The following REPS1 variants were observed in gnomAD, a reference collection of about 807,000 sequenced individuals.
The protein encoded by REPS1 is ralBP1-associated Eps domain-containing protein 1.
Under a neutral mutation model 100.9 loss-of-function variants are expected in REPS1, and 39 were observed. That is an observed-to-expected ratio of 0.39 (90% CI 0.30 to 0.50). The LOEUF (loss-of-function observed/expected upper bound fraction) is 0.50. REPS1 is among the 20% of genes least tolerant of loss of function. The pLI is 0.86. For synonymous variants in REPS1, 324 were observed against 340.3 expected (o/e 0.95, Z 0.53); for missense variants, 821 against 968.5 (o/e 0.85, Z 2.02).
intron 1 of REPS1, among the ~76,000 whole-genome samples, chr6:138,966,609 C>T (rs1313108729): frequency 1.3e-5 from 2 of 152,156 alleles, no homozygotes; most frequent in Admixed American, 1.3e-4. Flanking sequence ...AACCCATGCT[C>T]TTTGTCACTT....
At chr6:138,912,343 A>G (rs998391494) in intron 16 of REPS1, among the ~76,000 whole-genome samples, 3 of 152,190 alleles carry the variant, frequency 2.0e-5, no homozygotes, top group Non-Finnish European at 2.9e-5. Flanking sequence ...TTTGGCTGAA[A>G]TTTGTTTTTA....
At chr6:138,982,854 T>C (rs1393028366) in intron 1 of REPS1, among the ~76,000 whole-genome samples, 2 of 152,172 alleles carry the variant, frequency 1.3e-5, no homozygotes, top group African/African-American at 2.4e-5. Context: ...TAAAGAAAAA[T>C]TGTATTTGTG....
chr6:138,930,722 C>T (rs1781435341), intron 8 of REPS1, among the ~76,000 whole-genome samples: 1 of 151,600 alleles, frequency 6.6e-6, no homozygotes, highest in Non-Finnish European at 1.5e-5. Context: ...CCCTTGTTAA[C>T]AAAAAAACAG....
Position 138,928,219 on chromosome 6 carries a change from G to A in REPS1, c.1258-1738C>T, listed in dbSNP as rs76426703. ...TAAGATTGTTCAGAGGACTAAAGGA[G>A]TTAATATATATAAAGAGTTTGTTTT... On this transcript the variant is annotated intron_variant, in intron 9 of 19. Coordinates refer to ENST00000450536, the MANE Select transcript of REPS1 (RefSeq NM_001286611.2). The A allele has an allele frequency of 2.0e-5, 3 of 152,092 alleles. No individual in the cohort carries two copies. In the East Asian group the frequency reaches 5.8e-4, roughly 29 times the overall value. The allele number at this position is 152,092 out of a possible 1,614,324, so 9.4% of individuals were successfully genotyped here. A position where few individuals can be genotyped will look rare whatever the true frequency, so the allele number is the denominator to read the frequency against.
intron 8 of REPS1, among the ~76,000 whole-genome samples, chr6:138,934,807 G>C (rs1781699829): frequency 7.7e-6 from 1 of 129,724 alleles, no homozygotes; most frequent in Non-Finnish European, 1.8e-5. Context: ...ATGGTTCAAT[G>C]TTCCAATCTC....
rs139917117 is a variant in REPS1, at chr6:138,942,135, G to A, written c.981-646C>T. On this transcript the variant is annotated intron_variant, in intron 7 of 19. Coordinates refer to ENST00000450536, the MANE Select transcript of REPS1 (RefSeq NM_001286611.2). ...GCTGGGATTACAAGCGTGAGCCACCGCACCCGGCTGACATGTACGTACTTT... is the reference window on the plus strand; with the variant it reads ...GCTGGGATTACAAGCGTGAGCCACCACACCCGGCTGACATGTACGTACTTT... Among the ~76,000 whole-genome samples the A allele has an allele frequency of 2.5e-3, 382 of 152,006 alleles. 1 individual carries two copies. Among genetic ancestry groups the A allele is most frequent in the African/African-American group, 8.5e-3 (353 of 41,460 alleles).
chr6:138,920,272 G>T lies in REPS1; in HGVS notation c.1471C>A (p.Leu491Ile). 6.2e-7 allele frequency: 1 copy of T among 1,604,426 alleles called. No individual in the cohort carries two copies. Among genetic ancestry groups the T allele is most frequent in the Non-Finnish European group, 8.5e-7 (1 of 1,171,424 alleles). Reference sequence around the variant, plus strand: ...GAATTTATCTTATTTTCTTCTAAAAGGTCAGATGGTTTCACAAGTAATGGG... The same window carrying T: ...GAATTTATCTTATTTTCTTCTAAAATGTCAGATGGTTTCACAAGTAATGGG... ...TSPLLVKPSD[L>I]LEENKINSSV... is the part of the protein sequence containing the mutation. The change falls in exon 12 of 20, where the codon CTT becomes ATT. Residue 491 changes from leucine to isoleucine, a missense_variant. Coordinates refer to ENST00000450536, the MANE Select transcript of REPS1 (RefSeq NM_001286611.2).
intron 1 of REPS1, among the ~76,000 whole-genome samples, chr6:138,982,147 CTTATTAAGT>C (rs1220649233): frequency 6.6e-6 from 1 of 152,160 alleles, no homozygotes; most frequent in Admixed American, 6.5e-5. Context: ...AAACCTGAGA[CTTATTAAGT>C]TTATAACTTT....
rs1051052993 is a variant in REPS1 at position 138,903,733 on chromosome 6, A to C, written c.*1331T>G. On this transcript the variant is annotated 3_prime_UTR_variant, in exon 20 of 20. Transcript: ENST00000450536. ...AGTTTCCTGGGCCTTTAATGCTTTA[A>C]ATTTATTATTTAACAACTAAAGCCA... The C allele has an allele frequency of 6.6e-6, 1 of 152,182 alleles. No individual in the cohort carries two copies. The highest frequency in any genetic ancestry group is 2.4e-5 in the African/African-American group (1 of 41,444). 9.4% of individuals were successfully genotyped at this position (152,182 alleles called of 1,614,324 possible).
At chr6:138,950,630 G>C (rs1161104925) in intron 1 of REPS1, among the ~76,000 whole-genome samples, 1 of 152,190 alleles carries the variant, frequency 6.6e-6, no homozygotes, top group East Asian at 1.9e-4. Flanking sequence ...CTGTAACCCA[G>C]TGTTTTAATT....
intron 1 of REPS1, among the ~76,000 whole-genome samples, chr6:138,956,620 A>C (rs973785190): frequency 6.6e-6 from 1 of 152,052 alleles, no homozygotes; most frequent in Non-Finnish European, 1.5e-5. Context: ...GACCCACCCC[A>C]CCTAAAAGAA....
intron 1 of REPS1, among the ~76,000 whole-genome samples, chr6:138,986,438 G>T (rs1354398389): frequency 4.6e-5 from 7 of 152,214 alleles, no homozygotes; most frequent in Non-Finnish European, 1.0e-4. Context: ...GAAGAAACTT[G>T]CCTTCATTCT....
intron 12 of REPS1, among the ~76,000 whole-genome samples, chr6:138,919,300 A>C (rs1180691298): frequency 3.3e-5 from 5 of 152,010 alleles, no homozygotes; most frequent in Non-Finnish European, 7.4e-5. Flanking sequence ...CACCCTAGAC[A>C]CCAAGCTGTC....
intron 15 of REPS1, among the ~76,000 whole-genome samples, chr6:138,913,179 G>T (rs1003328353): frequency 3.3e-5 from 5 of 151,988 alleles, no homozygotes; most frequent in South Asian, 2.1e-4. Flanking sequence ...CCAATAAAAA[G>T]ATATTTTTTT....
chr6:138,915,742 C>T (rs1037926139), intron 14 of REPS1, 116 bp downstream of exon 14: 12 of 782,602 alleles, frequency 1.5e-5, no homozygotes, highest in African/African-American at 3.5e-5. Context: ...CAACCACACT[C>T]GACCAGATAA....
At chr6:138,958,190 G>A (rs1783519584) in intron 1 of REPS1, among the ~76,000 whole-genome samples, 2 of 152,170 alleles carry the variant, frequency 1.3e-5, no homozygotes, top group African/African-American at 4.8e-5. Context: ...CCTACATAAA[G>A]TGGAGTTTTA....
At position 138,941,606 on chromosome 6, in the gene REPS1, A is replaced by T. The variant is rs557326350; in HGVS notation, c.981-117T>A. The stretch of plus-strand genomic sequence containing the variant: ...AAGTGCAAGAACTCAGTAATTATAA[A>T]AATCCCATACACAGAAAGATGTGTA... On this transcript the variant is annotated intron_variant, in intron 7 of 19. Coordinates refer to ENST00000450536, the MANE Select transcript of REPS1 (RefSeq NM_001286611.2). The T allele has an allele frequency of 4.4e-4, 418 of 956,526 alleles. 1 individual carries two copies. The highest frequency in any genetic ancestry group is 6.0e-4 in the Non-Finnish European group (381 of 634,088). The allele number at this position is 956,526 out of a possible 1,614,324, so 59.3% of individuals were successfully genotyped here.
intron 1 of REPS1, among the ~76,000 whole-genome samples, chr6:138,957,964 A>G (rs904827608): frequency 1.3e-5 from 2 of 152,232 alleles, no homozygotes; most frequent in Admixed American, 6.5e-5. Context: ...ATGTGAAAGT[A>G]CCACTAAGAA....
intron 10 of REPS1, among the ~76,000 whole-genome samples, chr6:138,922,106 T>C (rs1261382361): frequency 2.6e-5 from 4 of 152,088 alleles, no homozygotes; most frequent in African/African-American, 9.7e-5. Flanking sequence ...AGCCTTGAAG[T>C]TAAAATAAAC....
Sources: gnomAD v4.1 joint callset for allele counts (sites outside exome capture counted in the v4.1 genomes callset) on GRCh38, gnomAD v4.1.1 for gene constraint, MANE v1.5 for transcripts, NCBI Gene and HGNC (gene_info 2026-07-23, HGNC 2026-07-21) for gene names.